The following PIGL variants were observed in gnomAD, a reference collection of about 807,000 sequenced individuals.
PIGL encodes N-acetylglucosaminyl-phosphatidylinositol de-N-acetylase.
Under a neutral mutation model 31.1 loss-of-function variants are expected in PIGL, and 22 were observed. That is an observed-to-expected ratio of 0.71 (90% CI 0.51 to 1.01). The LOEUF is 1.01. PIGL is among the 50% of genes least tolerant of loss of function. PIGL has a pLI of 0.00. For missense variants in PIGL, 302 were observed against 315.9 expected (o/e 0.96, Z 0.33); for synonymous variants, 131 against 117.4 (o/e 1.12, Z -0.75).
chr17:16,265,476 C>T (rs1347669323), intron 2 of PIGL, among the ~76,000 whole-genome samples: 1 of 152,112 alleles, frequency 6.6e-6, no homozygotes, highest in Non-Finnish European at 1.5e-5. Flanking sequence ...GGCGCGGTGG[C>T]TCATGCCTGT....
intron 4 of PIGL, 122 bp from the exon 5 acceptor site, chr17:16,316,559 C>A: frequency 2.1e-6 from 2 of 932,456 alleles, no homozygotes; most frequent in Non-Finnish European, 3.2e-6. Flanking sequence ...GCAAAAGAAA[C>A]CACCTGGAGA....
In PIGL at chr17:16,241,678, A is replaced by G. The variant is rs137973255; in HGVS notation, c.335+7608A>G. ...AATAAAACCACAAACTATAATGAGG[A>G]GAATTGGAAGCATTGAGATGTAAGG... On this transcript the variant is annotated intron_variant, in intron 2 of 6. Transcript: ENST00000225609. Among the ~76,000 whole-genome samples the G allele has an allele frequency of 2.8e-3, 422 of 152,294 alleles. 3 individuals are homozygous for G. The highest frequency in any genetic ancestry group is 9.4e-3 in the African/African-American group (390 of 41,564).
At chr17:16,321,096 C>T (rs912747920) in intron 6 of PIGL, among the ~76,000 whole-genome samples, 1 of 151,938 alleles carries the variant, frequency 6.6e-6, no homozygotes, top group Admixed American at 6.6e-5. Context: ...TGCCACCACG[C>T]CTAGCTAATT....
At chr17:16,310,722 A>G (rs1318301633) in intron 3 of PIGL, among the ~76,000 whole-genome samples, 3 of 152,218 alleles carry the variant, frequency 2.0e-5, no homozygotes, top group South Asian at 4.2e-4. Flanking sequence ...TTTTTAGTAG[A>G]GAGGGTTTCG....
At chr17:16,286,674 A>G (rs2092939294) in intron 2 of PIGL, among the ~76,000 whole-genome samples, 2 of 152,148 alleles carry the variant, frequency 1.3e-5, no homozygotes, top group South Asian at 4.1e-4. Flanking sequence ...AATACACCCC[A>G]GGGAAGGAGT....
chr17:16,221,862 G>A (rs750510868), intron 1 of PIGL, among the ~76,000 whole-genome samples: 2 of 151,860 alleles, frequency 1.3e-5, no homozygotes, highest in South Asian at 2.1e-4. Flanking sequence ...CTCGTGATTC[G>A]CCCACCTCGG....
intron 1 of PIGL, among the ~76,000 whole-genome samples, chr17:16,221,699 A>G (rs189085240): frequency 6.6e-6 from 1 of 152,078 alleles, no homozygotes; most frequent in African/African-American, 2.4e-5. Context: ...GGCTCACTGC[A>G]ACCTCCGCCT....
intron 3 of PIGL, among the ~76,000 whole-genome samples, chr17:16,311,463 C>CTTTTTTTTTTTTTTT (rs1313783180): frequency 1.7e-4 from 1 of 5,828 alleles, no homozygotes. Context: ...CAGAGGTTTT[C>CTTTTTTTTTTTTTTT]TTTCTTTTTT....
intron 1 of PIGL, among the ~76,000 whole-genome samples, chr17:16,228,628 T>TGG (rs2092664415): frequency 6.6e-6 from 1 of 152,150 alleles, no homozygotes; most frequent in Non-Finnish European, 1.5e-5. Flanking sequence ...GACCTCGTGA[T>TGG]CCGCCCGCCT....
intron 2 of PIGL, among the ~76,000 whole-genome samples, chr17:16,245,842 C>T (rs933813876): frequency 1.4e-5 from 2 of 146,206 alleles, no homozygotes; most frequent in Admixed American, 6.8e-5. Context: ...GACGGAGTCT[C>T]GGAGTCTCCC....
intron 1 of PIGL, among the ~76,000 whole-genome samples, chr17:16,230,970 C>T (rs1286729426): frequency 1.3e-5 from 2 of 151,186 alleles, no homozygotes; most frequent in African/African-American, 4.9e-5. Context: ...CCTTCATGCC[C>T]AGTCCATTTC....
chr17:16,310,286 AGTGTGTGTGTGTGTGT>A (rs10522327), intron 3 of PIGL, among the ~76,000 whole-genome samples: 13 of 146,262 alleles, frequency 8.9e-5, no homozygotes, highest in African/African-American at 1.5e-4. Context: ...ATTATTAAAA[AGTGTGTGTGTGTGTGT>A]GTGTGTGTGT....
At chr17:16,291,591 C>T (rs938768789) in intron 2 of PIGL, among the ~76,000 whole-genome samples, 7 of 149,876 alleles carry the variant, frequency 4.7e-5, no homozygotes, top group Non-Finnish European at 7.4e-5. Flanking sequence ...CTTGGCTGGG[C>T]GCAGTGGCTC....
intron 4 of PIGL, among the ~76,000 whole-genome samples, chr17:16,316,376 A>G (rs1001862023): frequency 3.3e-5 from 5 of 152,230 alleles, no homozygotes; most frequent in African/African-American, 9.6e-5. Flanking sequence ...GAGAAAAACT[A>G]TGAAGAGTCC....
At chr17:16,311,032 G>C (rs1427361259) in intron 3 of PIGL, among the ~76,000 whole-genome samples, 1 of 152,080 alleles carries the variant, frequency 6.6e-6, no homozygotes, top group Non-Finnish European at 1.5e-5. Context: ...TATAACAGAG[G>C]GCTTGCTGTA....
rs1477704715 is a variant in PIGL at position 16,294,144 on chromosome 17, C to A, written c.336-5744C>A. ...ATCAATCATTTGCTTATGACACAGT[C>A]CTAGACTTAAGAGTTGGAAGGACTC... On this transcript the variant is annotated intron_variant, in intron 2 of 6. Coordinates refer to ENST00000225609, the MANE Select transcript of PIGL (RefSeq NM_004278.4). Among the ~76,000 whole-genome samples the A allele has an allele frequency of 2.6e-5, 4 of 152,174 alleles. No individual in the cohort carries two copies. The South Asian group carries it at 6.2e-4, about 24-fold the overall frequency.
At chr17:16,240,511 T>C (rs1474344747) in intron 2 of PIGL, among the ~76,000 whole-genome samples, 1 of 151,992 alleles carries the variant, frequency 6.6e-6, no homozygotes, top group Non-Finnish European at 1.5e-5. Context: ...TTTGTTTTTT[T>C]CATTTTATTT....
intron 1 of PIGL, among the ~76,000 whole-genome samples, chr17:16,221,376 G>A (rs1027540807): frequency 6.6e-6 from 1 of 151,548 alleles, no homozygotes; most frequent in Non-Finnish European, 1.5e-5. Flanking sequence ...CAGCCTCCAA[G>A]TCTTGGGCTC....
At chr17:16,317,404 T>G (rs2093082599) in intron 5 of PIGL, 1 of 994,926 alleles carries the variant, frequency 1.0e-6, no homozygotes, top group African/African-American at 1.7e-5. Flanking sequence ...TAAGGGACTT[T>G]GCCAAGTCTG....
Sources: gnomAD v4.1 joint callset for allele counts (sites outside exome capture counted in the v4.1 genomes callset) on GRCh38, gnomAD v4.1.1 for gene constraint, MANE v1.5 for transcripts, NCBI Gene and HGNC (gene_info 2026-07-23, HGNC 2026-07-21) for gene names.